The following FHIT variants were observed in gnomAD, a reference collection of about 807,000 sequenced individuals.
FHIT encodes fragile histidine triad diadenosine triphosphatase.
Under a neutral mutation model 17.9 loss-of-function variants are expected in FHIT, and 19 were observed. The ratio of observed to expected loss-of-function variants is 1.06; its 90% confidence interval spans 0.74 to 1.56. The LOEUF (loss-of-function observed/expected upper bound fraction) is 1.56. Ranked by LOEUF, FHIT falls within the 40% of genes most tolerant of loss-of-function variation. The probability of loss-of-function intolerance (pLI) is 0.00; values close to 1 mark genes in which losing one functional copy is unlikely to be tolerated. For synonymous variants in FHIT, 81 were observed against 69.7 expected (o/e 1.16, Z -0.81); for missense variants, 248 against 189.2 (o/e 1.31, Z -1.82).
chr3:60,472,774 G>C (rs541031400), intron 5 of FHIT, among the ~76,000 whole-genome samples: 18 of 152,274 alleles, frequency 1.2e-4, no homozygotes, highest in Non-Finnish European at 1.9e-4. Flanking sequence ...TCTGACAGGA[G>C]AGAAAAATGA....
At chr3:60,744,856 T>C (rs920681372) in intron 4 of FHIT, among the ~76,000 whole-genome samples, 1 of 152,204 alleles carries the variant, frequency 6.6e-6, no homozygotes, top group African/African-American at 2.4e-5. Context: ...TGGCCAATCA[T>C]GTAATCCATA....
At chr3:60,361,991 A>G (rs930751795) in intron 5 of FHIT, among the ~76,000 whole-genome samples, 2 of 152,190 alleles carry the variant, frequency 1.3e-5, no homozygotes, top group East Asian at 3.8e-4. Context: ...GTGCAGCATC[A>G]CATCGTCACT....
rs151334194 is a variant in FHIT at position 60,269,675 on chromosome 3, G to C, written c.104-255523C>G. On this transcript the variant is annotated intron_variant, in intron 5 of 9. Coordinates refer to ENST00000492590, the MANE Select transcript of FHIT (RefSeq NM_002012.4). ...TTTGCTAAGCATTTAAAATATCCTA[G>C]CATTGAGCCAGGCATTGAGTATGTG... 6.4e-3 allele frequency among the ~76,000 whole-genome samples: 981 copies of C among 152,244 alleles called. 9 individuals are homozygous for C. The highest frequency in any genetic ancestry group is 0.023 in the African/African-American group (937 of 41,564).
At chr3:60,530,866 G>C (rs1268265466) in intron 5 of FHIT, among the ~76,000 whole-genome samples, 2 of 152,178 alleles carry the variant, frequency 1.3e-5, no homozygotes, top group African/African-American at 2.4e-5. Flanking sequence ...CCATTGTCCA[G>C]TGCTATCAGA....
intron 3 of FHIT, among the ~76,000 whole-genome samples, chr3:60,853,789 A>T (rs907113982): frequency 1.3e-5 from 2 of 152,150 alleles, no homozygotes; most frequent in Non-Finnish European, 2.9e-5. Context: ...TTTTCTTTGC[A>T]GTGTAATCAC....
At chr3:59,776,409 G>A (rs112433729) in intron 8 of FHIT, among the ~76,000 whole-genome samples, 6 of 152,322 alleles carry the variant, frequency 3.9e-5, no homozygotes, top group African/African-American at 1.4e-4. Context: ...TGGCAAGACA[G>A]GCCCATGACT....
At chr3:60,750,114 C>A (rs1031711769) in intron 4 of FHIT, among the ~76,000 whole-genome samples, 2 of 152,078 alleles carry the variant, frequency 1.3e-5, no homozygotes, top group African/African-American at 4.8e-5. Flanking sequence ...CTGACTCATG[C>A]CTTCATGGAC....
chr3:60,420,558 A>G (rs1471298836), intron 5 of FHIT, among the ~76,000 whole-genome samples: 3 of 152,112 alleles, frequency 2.0e-5, no homozygotes, highest in Admixed American at 6.6e-5. Context: ...TGGATGTCAT[A>G]TATTATTAAG....
chr3:60,797,455 C>CAGTAGT (rs59090057), intron 4 of FHIT, among the ~76,000 whole-genome samples: 16,447 of 147,924 alleles, frequency 0.11, 976 homozygotes, highest in Non-Finnish European at 0.12. Context: ...AAAGAAATTG[C>CAGTAGT]AGTAGTAGTA....
At chr3:60,608,793 T>G (rs1419001590) in intron 4 of FHIT, among the ~76,000 whole-genome samples, 1 of 152,216 alleles carries the variant, frequency 6.6e-6, no homozygotes, top group Non-Finnish European at 1.5e-5. Context: ...CAAAGTCATG[T>G]AAAGAGAGAG....
chr3:59,948,604 C>T (rs1706954565), intron 7 of FHIT, among the ~76,000 whole-genome samples: 1 of 151,948 alleles, frequency 6.6e-6, no homozygotes, highest in African/African-American at 2.4e-5. Context: ...ATATTTCCAT[C>T]AGAGAGATTT....
chr3:60,150,888 C>T (rs1700435404), intron 5 of FHIT, among the ~76,000 whole-genome samples: 1 of 149,738 alleles, frequency 6.7e-6, no homozygotes, highest in Non-Finnish European at 1.5e-5. Context: ...CACTGCACTA[C>T]AGCCTGGGTG....
At chr3:60,153,326 C>T (rs138028906) in intron 5 of FHIT, among the ~76,000 whole-genome samples, 205 of 128,788 alleles carry the variant, frequency 1.6e-3, no homozygotes, top group African/African-American at 5.7e-3. Context: ...TAAGATAAAC[C>T]GAGTGAAAGA....
At chr3:60,002,072 T>C (rs944174222) in intron 7 of FHIT, among the ~76,000 whole-genome samples, 3 of 152,176 alleles carry the variant, frequency 2.0e-5, no homozygotes, top group Admixed American at 1.3e-4. Context: ...GTGTTCACTT[T>C]GTTAACTCAA....
chr3:60,336,799 G>A (rs1710260964), intron 5 of FHIT, among the ~76,000 whole-genome samples: 1 of 151,414 alleles, frequency 6.6e-6, no homozygotes, highest in Non-Finnish European at 1.5e-5. Flanking sequence ...AAAACTTAAA[G>A]AGAGAAGCAA....
chr3:59,810,236 T>C (rs891609987), intron 8 of FHIT, among the ~76,000 whole-genome samples: 3 of 152,146 alleles, frequency 2.0e-5, no homozygotes, highest in Non-Finnish European at 2.9e-5. Flanking sequence ...AAAAACAGCA[T>C]GGAGCATCCC....
chr3:60,455,243 G>T (rs900720543), intron 5 of FHIT, among the ~76,000 whole-genome samples: 1 of 152,094 alleles, frequency 6.6e-6, no homozygotes, highest in Non-Finnish European at 1.5e-5. Flanking sequence ...TTTTCATTAT[G>T]ATCAGACAAG....
chr3:61,197,264 T>C (rs2038878510), intron 2 of FHIT, among the ~76,000 whole-genome samples: 1 of 152,162 alleles, frequency 6.6e-6, no homozygotes, highest in South Asian at 2.1e-4. Context: ...GTGCAATAAA[T>C]AGGGCAAAAG....
intron 3 of FHIT, among the ~76,000 whole-genome samples, chr3:60,833,130 T>C (rs782453923): frequency 1.3e-5 from 2 of 152,152 alleles, no homozygotes; most frequent in Non-Finnish European, 2.9e-5. Flanking sequence ...GAGATTTAAG[T>C]ATGGGAAAGA....
Sources: gnomAD v4.1 joint callset for allele counts (sites outside exome capture counted in the v4.1 genomes callset) on GRCh38, gnomAD v4.1.1 for gene constraint, MANE v1.5 for transcripts, NCBI Gene and HGNC (gene_info 2026-07-23, HGNC 2026-07-21) for gene names.